PTPRD: variants seen among roughly 807,000 people sequenced by gnomAD.
The protein encoded by PTPRD is receptor-type tyrosine-protein phosphatase delta.
A neutral mutation model predicts 214.5 loss-of-function variants in PTPRD; 34 were observed. The observed-to-expected ratio is 0.16, with a 90% CI of 0.12 to 0.21. The LOEUF is 0.21. Ranked by LOEUF, PTPRD falls within the 10% of genes least tolerant of loss-of-function variation. The probability of loss-of-function intolerance (pLI) is 1.00; values close to 1 mark genes in which losing one functional copy is unlikely to be tolerated. For missense variants in PTPRD, 2,545 were observed against 2,398.7 expected, an observed-to-expected ratio of 1.06 and a Z score of -1.27; for synonymous variants, 1,128 against 845.7, an observed-to-expected ratio of 1.33 and a Z score of -5.79.
At chr9:9,830,207 T>G (rs10816197) in intron 5 of PTPRD, among the ~76,000 whole-genome samples, 15,229 of 151,846 alleles carry the variant, frequency 0.1, 2,325 homozygotes, top group East Asian at 0.75. Context: ...TAATCAAATA[T>G]TTTTAAAAAG....
intron 5 of PTPRD, among the ~76,000 whole-genome samples, chr9:9,842,107 C>T (rs1286684152): frequency 1.3e-5 from 2 of 151,846 alleles, no homozygotes; most frequent in Non-Finnish European, 2.9e-5. Context: ...CATATTTATA[C>T]ACTCATCTAT....
rs538697702 is a variant in PTPRD, at chr9:9,320,246, TG to T, written c.-203+77202del. ...CCATGTTTTAATAAAAAGGACACTT[TG>T]GAAGACCTACTTTTTTTTTCCCTCA... On this transcript the variant is annotated intron_variant, in intron 9 of 45. Transcript: ENST00000381196. Among the ~76,000 whole-genome samples the T allele has an allele frequency of 2.2e-4, 34 of 152,276 alleles. 1 individual carries two copies. In the South Asian group the frequency reaches 6.4e-3, roughly 29 times the overall value.
At chr9:10,255,244 A>G (rs2093156550) in intron 3 of PTPRD, among the ~76,000 whole-genome samples, 1 of 152,172 alleles carries the variant, frequency 6.6e-6, no homozygotes, top group Admixed American at 6.5e-5. Context: ...TTTATTCTCT[A>G]TGTGAACATC....
At chr9:9,767,118 T>G (rs1384058397) in intron 5 of PTPRD, among the ~76,000 whole-genome samples, 1 of 151,814 alleles carries the variant, frequency 6.6e-6, no homozygotes, top group Non-Finnish European at 1.5e-5. Flanking sequence ...TAAAATAAAC[T>G]TTCCAGGAAA....
intron 2 of PTPRD, among the ~76,000 whole-genome samples, chr9:10,479,279 C>T (rs545441028): frequency 3.9e-5 from 6 of 152,060 alleles, no homozygotes; most frequent in Non-Finnish European, 8.8e-5. Flanking sequence ...CTTAGAGGTA[C>T]TTGTGTGTCA....
chr9:10,240,170 A>G (rs1400871552), intron 3 of PTPRD, among the ~76,000 whole-genome samples: 1 of 152,030 alleles, frequency 6.6e-6, no homozygotes, highest in East Asian at 1.9e-4. Flanking sequence ...AATAAAATAT[A>G]CTTCATATAA....
chr9:9,863,369 G>A (rs1182364396), intron 5 of PTPRD, among the ~76,000 whole-genome samples: 2 of 152,144 alleles, frequency 1.3e-5, no homozygotes, highest in African/African-American at 4.8e-5. Flanking sequence ...ACACCCGACA[G>A]TCATATTTTT....
chr9:8,753,546 C>T (rs748678934), intron 11 of PTPRD, among the ~76,000 whole-genome samples: 4 of 151,886 alleles, frequency 2.6e-5, no homozygotes, highest in Non-Finnish European at 5.9e-5. Context: ...TCTCCTTAAA[C>T]AGGAGCTAGT....
intron 43 of PTPRD, among the ~76,000 whole-genome samples, chr9:8,334,678 C>G (rs1041928532): frequency 3.8e-5 from 4 of 105,652 alleles, no homozygotes; most frequent in African/African-American, 1.6e-4. Flanking sequence ...CAAGAAATAA[C>G]TAAGAACACT....
chr9:8,753,650 G>T (rs141080803), intron 11 of PTPRD, among the ~76,000 whole-genome samples: 8 of 152,248 alleles, frequency 5.3e-5, no homozygotes, highest in Non-Finnish European at 1.0e-4. Context: ...CTAAATACAA[G>T]ATCAATATAA....
intron 8 of PTPRD, among the ~76,000 whole-genome samples, chr9:9,473,221 A>C (rs1360005330): frequency 6.6e-6 from 1 of 152,136 alleles, no homozygotes; most frequent in Non-Finnish European, 1.5e-5. Flanking sequence ...ATGAATGAAA[A>C]CATGCAATAT....
intron 11 of PTPRD, among the ~76,000 whole-genome samples, chr9:8,908,601 G>C (rs1404122786): frequency 2.0e-5 from 3 of 151,914 alleles, no homozygotes; most frequent in Admixed American, 6.5e-5. Flanking sequence ...AGTAATGTTG[G>C]AGGCTGATTT....
intron 5 of PTPRD, among the ~76,000 whole-genome samples, chr9:9,893,439 C>A (rs575792262): frequency 3.9e-5 from 6 of 152,008 alleles, no homozygotes; most frequent in African/African-American, 1.4e-4. Context: ...GGAACATTTA[C>A]CAAGCAAATA....
intron 11 of PTPRD, among the ~76,000 whole-genome samples, chr9:8,793,423 T>C (rs955477190): frequency 6.6e-6 from 1 of 152,206 alleles, no homozygotes; most frequent in Non-Finnish European, 1.5e-5. Flanking sequence ...TTCAGATGAC[T>C]GCAGCCCCAT....
chr9:10,028,522 A>C (rs1270677356), intron 4 of PTPRD, among the ~76,000 whole-genome samples: 1 of 152,176 alleles, frequency 6.6e-6, no homozygotes, highest in Admixed American at 6.5e-5. Flanking sequence ...CAAAATGCTG[A>C]TAATGATATG....
At chr9:8,783,533 C>G (rs2095822447) in intron 11 of PTPRD, among the ~76,000 whole-genome samples, 1 of 152,116 alleles carries the variant, frequency 6.6e-6, no homozygotes, top group Admixed American at 6.5e-5. Context: ...TAAAAAAGCC[C>G]AGGCCTACTT....
intron 5 of PTPRD, among the ~76,000 whole-genome samples, chr9:9,905,340 C>A (rs2077300593): frequency 6.6e-6 from 1 of 151,694 alleles, no homozygotes; most frequent in African/African-American, 2.4e-5. Context: ...ATAATTAGCT[C>A]AATTGTTGTT....
intron 11 of PTPRD, among the ~76,000 whole-genome samples, chr9:8,864,907 T>C (rs1483880905): frequency 6.6e-6 from 1 of 152,246 alleles, no homozygotes; most frequent in Non-Finnish European, 1.5e-5. Context: ...ACTTCTGTTC[T>C]TGTCTTACAC....
At chr9:9,403,108 G>A (rs533656855) in intron 8 of PTPRD, among the ~76,000 whole-genome samples, 5 of 150,584 alleles carry the variant, frequency 3.3e-5, no homozygotes, top group Non-Finnish European at 5.9e-5. Context: ...TGGCCAACAT[G>A]GTAAAACCCC....
Sources: gnomAD v4.1 joint callset for allele counts (sites outside exome capture counted in the v4.1 genomes callset) on GRCh38, gnomAD v4.1.1 for gene constraint, MANE v1.5 for transcripts, NCBI Gene and HGNC (gene_info 2026-07-23, HGNC 2026-07-21) for gene names.